NAALAD2: variants seen among roughly 807,000 people sequenced by gnomAD.
NAALAD2 encodes the protein N-acetylated alpha-linked acidic dipeptidase 2, also known as N-acetylated-alpha-linked acidic dipeptidase 2.
Under a neutral mutation model 95.6 loss-of-function variants are expected in NAALAD2, and 89 were observed. The observed-to-expected ratio is 0.93, with a 90% CI of 0.78 to 1.11. The LOEUF (loss-of-function observed/expected upper bound fraction) is 1.11, where lower values mean the gene tolerates loss of function less well. Ranked by LOEUF, NAALAD2 falls within the 50% of genes least tolerant of loss-of-function variation. NAALAD2 has a pLI of 0.00. For synonymous variants in NAALAD2, 264 were observed against 294.4 expected, an observed-to-expected ratio of 0.90 and a Z score of 1.06; for missense variants, 894 against 872.4, an observed-to-expected ratio of 1.02 and a Z score of -0.31.
intron 18 of NAALAD2, among the ~76,000 whole-genome samples, chr11:90,185,183 A>G (rs866276439): frequency 2.6e-5 from 4 of 151,518 alleles, no homozygotes; most frequent in East Asian, 3.9e-4. Flanking sequence ...TATATACTAT[A>G]TATGCAAATA....
rs1952558506 is a variant in NAALAD2 at position 90,169,098 on chromosome 11, C to T, written c.1342+106C>T. The stretch of plus-strand genomic sequence containing the variant: ...CATCTACTAAGACTATAAATTCTAG[C>T]TTATTAAGCACCTCAGATATCCCCT... On this transcript the variant is annotated intron_variant, in intron 12 of 18. Transcript: ENST00000534061. 6 of 708,130 alleles carry T rather than the reference C, an allele frequency of 8.5e-6. No individual in the cohort carries two copies. In the South Asian group the frequency reaches 1.2e-4, roughly 15 times the overall value. 43.9% of individuals were successfully genotyped at this position (708,130 alleles called of 1,614,324 possible). A position where few individuals can be genotyped will look rare whatever the true frequency, so the allele number is the denominator to read the frequency against.
chr11:90,168,854 A>G (rs1285376229), intron 11 of NAALAD2, 75 bp from the exon 12 acceptor site: 1 of 1,236,398 alleles, frequency 8.1e-7, no homozygotes, highest in Non-Finnish European at 1.2e-6. Context: ...TTTCCACGAA[A>G]TTAATTTGCT....
Position 90,135,562 on chromosome 11 carries a change from G to C in NAALAD2, c.86G>C (p.Trp29Ser), listed in dbSNP as rs773462456. ...TTTGTGTATTTTTTTTCCTTAGGCT[G>C]GTTTATTAAGCCTCTCAAAGAAACG... ...ASFLMGFMVG[W>S]FIKPLKETTT... Residue 29 changes from tryptophan to serine, a missense_variant, in exon 2 of 19, where the codon TGG (tryptophan) becomes TCG (serine). By Grantham distance (177) the Trp-to-Ser change is radical. Transcript: ENST00000534061. The C allele has an allele frequency of 6.2e-7, 1 of 1,605,336 alleles. No homozygotes were observed. Among genetic ancestry groups the C allele is most frequent in the South Asian group, 1.1e-5 (1 of 89,890 alleles).
intron 11 of NAALAD2, among the ~76,000 whole-genome samples, chr11:90,168,600 G>A (rs140959684): frequency 8.5e-5 from 13 of 152,190 alleles, no homozygotes; most frequent in Admixed American, 8.5e-4. Flanking sequence ...CAGGGCCCTA[G>A]AATATGGGAG....
chr11:90,163,530 T>A lies in NAALAD2; in HGVS notation c.1196-5T>A. ...CCTAACCACGTGTGTTAACAATTCT[T>A]ACAGGCTGGAGACCTAGAAGAACTA... On this transcript the variant is annotated splice_region_variant and splice_polypyrimidine_tract_variant and intron_variant, in intron 10 of 18. Transcript: ENST00000534061. The A allele has an allele frequency of 6.2e-7, 1 of 1,613,804 alleles. No homozygotes were observed. The highest frequency in any genetic ancestry group is 8.5e-7 in the Non-Finnish European group (1 of 1,179,894).
chr11:90,158,724 G>A (rs747533107), intron 7 of NAALAD2: 32 of 170,386 alleles, frequency 1.9e-4, no homozygotes, highest in Non-Finnish European at 3.0e-4. Flanking sequence ...ACATAGCACC[G>A]TATTTAGAAT....
chr11:90,166,317 G>T (rs1201005080), intron 11 of NAALAD2, among the ~76,000 whole-genome samples: 2 of 152,130 alleles, frequency 1.3e-5, no homozygotes, highest in Non-Finnish European at 2.9e-5. Flanking sequence ...TTGTGTATGT[G>T]TATGAGAGAG....
In NAALAD2 at chr11:90,179,280, C is replaced by G. The variant is rs77172291; in HGVS notation, c.1858+1163C>G. 2.5e-3 allele frequency among the ~76,000 whole-genome samples: 376 copies of G among 152,104 alleles called. 15 individuals carry two copies. In the East Asian group the frequency reaches 0.061, roughly 25 times the overall value. On this transcript the variant is annotated intron_variant, in intron 16 of 18. Coordinates refer to ENST00000534061, the MANE Select transcript of NAALAD2 (RefSeq NM_005467.4). ...TATGCCCTGAGTTTCTACTGTGTAC[C>G]AAGTACTATGTTATTACCTGGGAGA...
At chr11:90,158,297 C>A in intron 7 of NAALAD2, 59 bp downstream of exon 7, 1 of 1,227,242 alleles carries the variant, frequency 8.1e-7, no homozygotes, top group African/African-American at 1.5e-5. Context: ...TCTATTTTCT[C>A]ATTGAAAACC....
In NAALAD2 at chr11:90,163,440, T is replaced by C; in HGVS notation, c.1195+11T>C. On this transcript the variant is annotated intron_variant, in intron 10 of 18. Coordinates refer to ENST00000534061, the MANE Select transcript of NAALAD2 (RefSeq NM_005467.4). ...AACTGATGAGTAAAGGTAAACAACC[T>C]TTCTTTCCTAGGTGATGACAAAAAG... The C allele has an allele frequency of 6.2e-7, 1 of 1,613,884 alleles. No individual in the cohort carries two copies. Among genetic ancestry groups the C allele is most frequent in the African/African-American group, 1.3e-5 (1 of 75,030 alleles).
intron 14 of NAALAD2, among the ~76,000 whole-genome samples, chr11:90,174,510 T>C (rs1467861072): frequency 6.6e-6 from 1 of 152,090 alleles, no homozygotes; most frequent in Non-Finnish European, 1.5e-5. Context: ...TTCATTTACA[T>C]ATGTATTAGG....
intron 8 of NAALAD2, among the ~76,000 whole-genome samples, chr11:90,161,198 C>G (rs1420089294): frequency 2.7e-5 from 4 of 149,592 alleles, no homozygotes; most frequent in African/African-American, 7.3e-5. Flanking sequence ...ATCCATTTTA[C>G]CTCAGAGTGG....
chr11:90,174,199 CG>C (rs1362707526), intron 14 of NAALAD2, among the ~76,000 whole-genome samples: 1 of 151,952 alleles, frequency 6.6e-6, no homozygotes, highest in African/African-American at 2.4e-5. Context: ...GTCATGGTAG[CG>C]GGCACTTGTA....
In NAALAD2 at chr11:90,177,599, T is replaced by G. The variant is rs1401440419; in HGVS notation, c.1594-254T>G. Among the ~76,000 whole-genome samples, 8 of 59,158 alleles carry G rather than the reference T, an allele frequency of 1.4e-4. No homozygotes were observed. The East Asian group carries it at 2.0e-3, about 15-fold the overall frequency. 38.8% of individuals were successfully genotyped at this position (59,158 alleles called of 152,430 possible). A position where few individuals can be genotyped will look rare whatever the true frequency, so the allele number is the denominator to read the frequency against. ...TTTCTTTTTCTTGTTTTTTTTTTTT[T>G]TTTTTTTTTTTTTTTTTTTTTTTTT... On this transcript the variant is annotated intron_variant, in intron 15 of 18. Coordinates refer to ENST00000534061, the MANE Select transcript of NAALAD2 (RefSeq NM_005467.4).
At chr11:90,178,957 G>T (rs1437325916) in intron 16 of NAALAD2, among the ~76,000 whole-genome samples, 2 of 152,150 alleles carry the variant, frequency 1.3e-5, no homozygotes, top group Non-Finnish European at 2.9e-5. Flanking sequence ...TAGTAGCATT[G>T]AGGATTGAGT....
intron 18 of NAALAD2, 142 bp from the exon 19 acceptor site, chr11:90,191,416 G>A (rs534986400): frequency 3.7e-5 from 18 of 486,426 alleles, no homozygotes; most frequent in South Asian, 1.3e-4. Context: ...ATTATGATTC[G>A]CATAAGTATC....
chr11:90,181,717 C>CA lies in NAALAD2; in HGVS notation c.1940+16_1940+17insA. The CA allele has an allele frequency of 6.5e-6, 9 of 1,384,050 alleles. No individual in the cohort carries two copies. Among genetic ancestry groups the CA allele is most frequent in the Non-Finnish European group, 7.8e-6 (8 of 1,025,542 alleles). 85.7% of individuals were successfully genotyped at this position (1,384,050 alleles called of 1,614,324 possible). A position where few individuals can be genotyped will look rare whatever the true frequency, so the allele number is the denominator to read the frequency against. On this transcript the variant is annotated intron_variant, in intron 17 of 18. Transcript: ENST00000534061. ...ATCTTAACAAGTAAGTTTCAAATCC[C>CA]TTTTTTTTTAAAAAAAAAAAAAAAA...
chr11:90,161,938 A>C (rs1032315808), intron 8 of NAALAD2, among the ~76,000 whole-genome samples: 1 of 147,264 alleles, frequency 6.8e-6, no homozygotes, highest in Admixed American at 6.8e-5. Flanking sequence ...AAAAAAAAAA[A>C]CATCGATTAG....
intron 1 of NAALAD2, chr11:90,135,117 A>T: frequency 2.5e-6 from 1 of 398,094 alleles, no homozygotes; most frequent in Non-Finnish European, 4.5e-6. Context: ...CAGGGATGAA[A>T]AAAAATCGTT....
Sources: allele counts gnomAD v4.1 joint callset (sites outside exome capture counted in the v4.1 genomes callset), GRCh38; gene constraint gnomAD v4.1.1; transcripts MANE v1.5; gene names NCBI Gene and HGNC (gene_info 2026-07-23, HGNC 2026-07-21).